The following RBFOX1 variants were observed in gnomAD, a reference collection of about 807,000 sequenced individuals.
RBFOX1 encodes RNA binding fox-1 homolog 1, also known as RNA binding protein fox-1 homolog 1.
RBFOX1 carries 8 observed loss-of-function variants against 57.7 expected under a neutral mutation model. That is an observed-to-expected ratio of 0.14 (90% confidence interval 0.08 to 0.25). The LOEUF is 0.25. Ranked by LOEUF, RBFOX1 falls within the 10% of genes least tolerant of loss-of-function variation. RBFOX1 has a pLI of 1.00. For missense variants in RBFOX1, 611 were observed against 548.5 expected (o/e 1.11, Z -1.14); for synonymous variants, 326 against 222.4 (o/e 1.47, Z -4.15).
At chr16:7,638,409 C>G (rs1184721942) in intron 11 of RBFOX1, among the ~76,000 whole-genome samples, 1 of 83,916 alleles carries the variant, frequency 1.2e-5, no homozygotes, top group African/African-American at 3.9e-5. Context: ...GCCTTCTTCA[C>G]TACTCTCTCA....
Position 7,662,746 on chromosome 16 carries a change from G to A in RBFOX1, c.891-2183G>A, listed in dbSNP as rs572448029. ...ACCGGGTCTCAAACATGGTGACCTC[G>A]TTAGAGCTACAGTGTTAAGCATGAT... On this transcript the variant is annotated intron_variant, in intron 12 of 15. Coordinates refer to ENST00000550418, the MANE Select transcript of RBFOX1 (RefSeq NM_018723.4). Among the ~76,000 whole-genome samples the A allele has an allele frequency of 5.9e-5, 9 of 152,334 alleles. No homozygotes were observed. In the South Asian group the frequency reaches 1.9e-3, roughly 32 times the overall value.
chr16:5,258,777 A>G (rs1275692073), intron 1 of RBFOX1, among the ~76,000 whole-genome samples: 1 of 152,080 alleles, frequency 6.6e-6, no homozygotes, highest in East Asian at 1.9e-4. Flanking sequence ...TTAGCCGGGC[A>G]TGGTGGCAGG....
intron 4 of RBFOX1, among the ~76,000 whole-genome samples, chr16:7,241,634 C>T (rs931377464): frequency 6.6e-6 from 1 of 152,002 alleles, no homozygotes; most frequent in African/African-American, 2.4e-5. Flanking sequence ...AAAAACATTT[C>T]TTCTTTATGT....
At chr16:6,752,339 A>G (rs148069690) in intron 3 of RBFOX1, among the ~76,000 whole-genome samples, 33 of 152,340 alleles carry the variant, frequency 2.2e-4, no homozygotes, top group East Asian at 5.8e-4. Flanking sequence ...ACGAAATACA[A>G]TGATCTCAGT....
chr16:5,500,234 T>C (rs2043148309), intron 2 of RBFOX1, among the ~76,000 whole-genome samples: 1 of 148,746 alleles, frequency 6.7e-6, no homozygotes, highest in South Asian at 2.3e-4. Flanking sequence ...TCCGTTCCAT[T>C]CCATTCCATT....
At chr16:6,272,755 G>C (rs1484219535) in intron 1 of RBFOX1, among the ~76,000 whole-genome samples, 2 of 152,154 alleles carry the variant, frequency 1.3e-5, no homozygotes, top group Admixed American at 6.5e-5. Context: ...ATTTTAAAAA[G>C]TGTATAGAAC....
chr16:6,975,100 C>T (rs551658203), intron 3 of RBFOX1, among the ~76,000 whole-genome samples: 1 of 152,024 alleles, frequency 6.6e-6, no homozygotes, highest in Admixed American at 6.6e-5. Context: ...TCAACAACAC[C>T]TCAGGAGTCA....
In RBFOX1 at chr16:5,635,720, G is replaced by A. The variant is rs151073006; in HGVS notation, c.318+36759G>A. Among the ~76,000 whole-genome samples the A allele has an allele frequency of 3.9e-3, 596 of 152,314 alleles. 3 individuals carry two copies. The highest frequency in any genetic ancestry group is 0.014 in the African/African-American group (581 of 41,562). Reference sequence around the variant, plus strand: ...ATTACATATCCTGGGTGCACCAGTAGACTGCCATCTTGGGTGCATTTGTAA... The same window carrying A: ...ATTACATATCCTGGGTGCACCAGTAAACTGCCATCTTGGGTGCATTTGTAA... On this transcript the variant is annotated intron_variant, in intron 3 of 19. Transcript: ENST00000641259.
intron 4 of RBFOX1, among the ~76,000 whole-genome samples, chr16:7,418,150 G>A (rs530801982): frequency 2.6e-5 from 4 of 152,178 alleles, no homozygotes; most frequent in African/African-American, 9.7e-5. Flanking sequence ...GCCATGCTGA[G>A]CTTGAGGATA....
chr16:7,700,769 G>A (rs902917020), intron 14 of RBFOX1, among the ~76,000 whole-genome samples: 5 of 152,168 alleles, frequency 3.3e-5, no homozygotes, highest in African/African-American at 1.2e-4. Flanking sequence ...TACTCCGAGA[G>A]TGGCTGCTAT....
chr16:7,246,719 T>G (rs368896081), intron 4 of RBFOX1, among the ~76,000 whole-genome samples: 1 of 151,600 alleles, frequency 6.6e-6, no homozygotes, highest in Admixed American at 6.6e-5. Context: ...TCTTGGAGTT[T>G]TGTTGTGCTG....
intron 4 of RBFOX1, among the ~76,000 whole-genome samples, chr16:5,921,158 G>C (rs1246060652): frequency 1.3e-5 from 2 of 152,204 alleles, no homozygotes; most frequent in Admixed American, 6.5e-5. Context: ...AGAATGCTAA[G>C]GCCATAGAAA....
intron 1 of RBFOX1, among the ~76,000 whole-genome samples, chr16:6,226,510 T>C (rs546532400): frequency 1.3e-4 from 20 of 152,136 alleles, no homozygotes; most frequent in Admixed American, 1.2e-3. Context: ...TGACCACTCA[T>C]TGAAGCGGTG....
chr16:7,628,128 C>T (rs1308598788), intron 10 of RBFOX1, among the ~76,000 whole-genome samples: 1 of 152,122 alleles, frequency 6.6e-6, no homozygotes. Context: ...CCATACAATA[C>T]TGAAATGTCC....
chr16:6,790,192 A>ATTATTATTATTT (rs2082677864), intron 3 of RBFOX1, among the ~76,000 whole-genome samples: 1 of 145,476 alleles, frequency 6.9e-6, no homozygotes, highest in Non-Finnish European at 1.5e-5. Context: ...TATTATTATT[A>ATTATTATTATTT]TTATTATTTT....
rs1352444593 is a variant in RBFOX1, at chr16:7,653,389, C to G, written c.758-426C>G. 5.3e-5 allele frequency among the ~76,000 whole-genome samples: 8 copies of G among 152,176 alleles called. No individual in the cohort carries two copies. In the East Asian group the frequency reaches 1.4e-3, roughly 26 times the overall value. On this transcript the variant is annotated intron_variant, in intron 11 of 15. Transcript: ENST00000550418. ...TGGTAGCACACTTCTATCTATGGTC[C>G]CAGCTACTTGGGAGGCTGAGGTAGG...
At chr16:7,038,502 A>T (rs1026519174) in intron 3 of RBFOX1, among the ~76,000 whole-genome samples, 8 of 152,226 alleles carry the variant, frequency 5.3e-5, no homozygotes, top group African/African-American at 1.7e-4. Flanking sequence ...TATTAGAATA[A>T]ATAATAGGCA....
At chr16:7,112,065 A>C (rs1391864021) in intron 4 of RBFOX1, among the ~76,000 whole-genome samples, 1 of 152,158 alleles carries the variant, frequency 6.6e-6, no homozygotes. Flanking sequence ...TGTGTGAGAG[A>C]GATAAATTAA....
intron 4 of RBFOX1, among the ~76,000 whole-genome samples, chr16:7,396,815 C>T (rs975717665): frequency 2.6e-5 from 4 of 152,112 alleles, no homozygotes; most frequent in African/African-American, 9.7e-5. Flanking sequence ...GTGGTGTGCT[C>T]CTGTAATCCC....
Sources: allele counts gnomAD v4.1 joint callset (sites outside exome capture counted in the v4.1 genomes callset), GRCh38; gene constraint gnomAD v4.1.1; transcripts MANE v1.5; gene names NCBI Gene and HGNC (gene_info 2026-07-23, HGNC 2026-07-21).